Variants in MCC observed in about 807,000 individuals in gnomAD.
MCC encodes colorectal mutant cancer protein.
In MCC, 90 loss-of-function variants were observed where a neutral mutation model predicts 116.2. The observed-to-expected ratio is 0.77, with a 90% CI of 0.65 to 0.92. The LOEUF (loss-of-function observed/expected upper bound fraction) is 0.92, where lower values mean the gene tolerates loss of function less well. MCC is among the 40% of genes least tolerant of loss of function. The pLI is 0.00. For missense variants in MCC, 1,516 were observed against 1,312.2 expected, an observed-to-expected ratio of 1.16 and a Z score of -2.40; for synonymous variants, 578 against 510.5, an observed-to-expected ratio of 1.13 and a Z score of -1.78.
intron 1 of MCC, among the ~76,000 whole-genome samples, chr5:113,475,828 A>G (rs1772221621): frequency 6.6e-6 from 1 of 152,206 alleles, no homozygotes; most frequent in African/African-American, 2.4e-5. Flanking sequence ...TTAAGGGAAA[A>G]TAAGTTTTCT....
chr5:113,111,350 G>A (rs1581085028), intron 6 of MCC, among the ~76,000 whole-genome samples: 1 of 152,088 alleles, frequency 6.6e-6, no homozygotes, highest in Admixed American at 6.5e-5. Context: ...AGCACGTTAG[G>A]TTCATTGGTG....
chr5:113,210,828 CT>C (rs1327370380), intron 3 of MCC, among the ~76,000 whole-genome samples: 1 of 152,178 alleles, frequency 6.6e-6, no homozygotes, highest in Non-Finnish European at 1.5e-5. Context: ...AAGATCGACC[CT>C]AACCCTACCT....
chr5:113,450,968 T>A (rs1771375526), intron 1 of MCC, among the ~76,000 whole-genome samples: 1 of 152,226 alleles, frequency 6.6e-6, no homozygotes, highest in African/African-American at 2.4e-5. Flanking sequence ...CCTCCTTTTT[T>A]TTCACCCCCA....
chr5:113,286,355 C>T (rs1766262079), intron 3 of MCC, among the ~76,000 whole-genome samples: 1 of 152,206 alleles, frequency 6.6e-6, no homozygotes, highest in Non-Finnish European at 1.5e-5. Flanking sequence ...AACTGCAAGG[C>T]CATCTTTTCC....
intron 16 of MCC, 157 bp downstream of exon 16, chr5:113,048,936 C>CA: frequency 1.5e-6 from 1 of 684,752 alleles, no homozygotes; most frequent in Non-Finnish European, 2.6e-6. Context: ...TCATTACACT[C>CA]AAAATGTCAC....
chr5:113,433,663 C>G (rs1770740037), intron 1 of MCC: 7 of 1,512,914 alleles, frequency 4.6e-6, no homozygotes, highest in African/African-American at 2.8e-5. Context: ...CCTTCTCTGG[C>G]TCCACCCTTG....
At chr5:113,180,646 T>C (rs892095383) in intron 3 of MCC, among the ~76,000 whole-genome samples, 1 of 152,242 alleles carries the variant, frequency 6.6e-6, no homozygotes, top group Admixed American at 6.5e-5. Flanking sequence ...CCAGCCATTT[T>C]CTGGTAAGCC....
chr5:113,220,707 A>G (rs73244753), intron 3 of MCC, among the ~76,000 whole-genome samples: 19,221 of 152,218 alleles, frequency 0.13, 2,069 homozygotes, highest in African/African-American at 0.29. Flanking sequence ...AGTCCTAACA[A>G]AACAGTTTTC....
At position 113,025,426 on chromosome 5, in the gene MCC, A is replaced by G. The variant is rs1025990084; in HGVS notation, c.*1876T>C. 1 of 151,836 alleles carries G rather than the reference A, an allele frequency of 6.6e-6. No homozygotes were observed. Among genetic ancestry groups the G allele is most frequent in the Non-Finnish European group, 1.5e-5 (1 of 67,964 alleles). 9.4% of individuals were successfully genotyped at this position (151,836 alleles called of 1,614,324 possible). A position where few individuals can be genotyped will look rare whatever the true frequency, so the allele number is the denominator to read the frequency against. ...GTGGATCAGTGGTCAGGAGTTCGAG[A>G]CCAGCCTGGCCAACATGGTGAAACC... On this transcript the variant is annotated 3_prime_UTR_variant, in exon 19 of 19. Transcript: ENST00000408903.
intron 8 of MCC, 95 bp from the exon 9 acceptor site, chr5:113,085,405 G>A (rs1755144464): frequency 4.0e-6 from 5 of 1,242,724 alleles, no homozygotes; most frequent in Admixed American, 2.2e-5. Flanking sequence ...CATTTACATT[G>A]AGGGATCAGC....
chr5:113,380,815 C>T (rs961999014), intron 2 of MCC, among the ~76,000 whole-genome samples: 1 of 152,094 alleles, frequency 6.6e-6, no homozygotes, highest in Non-Finnish European at 1.5e-5. Flanking sequence ...AGTAAAGGCT[C>T]AGAGACAGGC....
At chr5:113,117,973 A>T (rs1274131822) in intron 6 of MCC, among the ~76,000 whole-genome samples, 1 of 152,256 alleles carries the variant, frequency 6.6e-6, no homozygotes, top group Non-Finnish European at 1.5e-5. Context: ...AACCACTGGC[A>T]TGTCTTCCTG....
At chr5:113,063,869 G>C in intron 14 of MCC, 115 bp downstream of exon 14, 1 of 1,132,592 alleles carries the variant, frequency 8.8e-7, no homozygotes, top group Middle Eastern at 3.1e-4. Flanking sequence ...CAGAAGCCAT[G>C]TCTGCCTTTT....
intron 3 of MCC, among the ~76,000 whole-genome samples, chr5:113,245,881 T>C (rs181807145): frequency 6.6e-6 from 1 of 152,254 alleles, no homozygotes; most frequent in Admixed American, 6.5e-5. Context: ...GGGCCAACAA[T>C]GTAATCAACA....
chr5:113,072,063 C>T (rs777633273), intron 11 of MCC, among the ~76,000 whole-genome samples: 8 of 152,208 alleles, frequency 5.3e-5, no homozygotes, highest in Non-Finnish European at 4.4e-5. Context: ...TCAGCTTCTC[C>T]GTTTTCCATC....
intron 3 of MCC, among the ~76,000 whole-genome samples, chr5:113,270,651 T>C (rs188068052): frequency 6.9e-6 from 1 of 145,958 alleles, no homozygotes; most frequent in Non-Finnish European, 1.5e-5. Flanking sequence ...GTGAGGCCCA[T>C]TTAACTTTTT....
At position 113,288,612 on chromosome 5, in the gene MCC, A is replaced by G. The variant is rs187842842; in HGVS notation, c.627+51907T>C. Among the ~76,000 whole-genome samples the G allele has an allele frequency of 1.1e-4, 16 of 152,326 alleles. No homozygotes were observed. The East Asian group carries it at 3.1e-3, about 29-fold the overall frequency. On this transcript the variant is annotated intron_variant, in intron 3 of 18. Transcript: ENST00000408903. ...ATCATATCATTTCATTTTTATCAAAATATCTGGGTATTGCATAGGGATTAC... is the reference window on the plus strand; with the variant it reads ...ATCATATCATTTCATTTTTATCAAAGTATCTGGGTATTGCATAGGGATTAC...
intron 3 of MCC, among the ~76,000 whole-genome samples, chr5:113,290,416 T>C (rs566631872): frequency 1.3e-4 from 20 of 152,232 alleles, no homozygotes; most frequent in Non-Finnish European, 2.2e-4. Context: ...TGAGTAAGAA[T>C]ATTTTTTCAT....
chr5:113,049,491 G>A (rs1220254721), intron 15 of MCC, among the ~76,000 whole-genome samples, 192 bp from the exon 16 acceptor site: 26 of 152,224 alleles, frequency 1.7e-4, no homozygotes, highest in East Asian at 3.8e-4. Context: ...AAGGAATGAC[G>A]TATGGACAAG....
Sources: allele counts gnomAD v4.1 joint callset (sites outside exome capture counted in the v4.1 genomes callset), GRCh38; gene constraint gnomAD v4.1.1; transcripts MANE v1.5; gene names NCBI Gene and HGNC (gene_info 2026-07-23, HGNC 2026-07-21).